UBR3: variants seen among roughly 807,000 people sequenced by gnomAD.
UBR3 encodes E3 ubiquitin-protein ligase UBR3.
Under a neutral mutation model 243.2 loss-of-function variants are expected in UBR3, and 85 were observed. The observed-to-expected ratio is 0.35, with a 90% CI of 0.29 to 0.42. The LOEUF is 0.42. Among genes scored for constraint, UBR3 ranks in the 10% least tolerant of loss-of-function variants. The pLI is 1.00. For synonymous variants in UBR3, 748 were observed against 799.8 expected, an observed-to-expected ratio of 0.94 and a Z score of 1.09; for missense variants, 1,686 against 2,300.8, an observed-to-expected ratio of 0.73 and a Z score of 5.47.
At chr2:170,054,430 C>T (rs1330456540) in intron 32 of UBR3, among the ~76,000 whole-genome samples, 9 of 152,062 alleles carry the variant, frequency 5.9e-5, no homozygotes, top group Non-Finnish European at 1.2e-4. Flanking sequence ...TACAGGCACC[C>T]GCCACCATGC....
Position 170,073,596 on chromosome 2 carries a change from G to A in UBR3, c.5188G>A (p.Glu1730Lys), listed in dbSNP as rs1192860151. 4 of 1,612,604 alleles carry A rather than the reference G, an allele frequency of 2.5e-6. No homozygotes were observed. The highest frequency in any genetic ancestry group is 4.5e-5 in the East Asian group (2 of 44,800). ...AAAATCATTTACTGAAAGACATGCAGAACAAGGAAAGGTATGTTAAAAGAG... is the reference window on the plus strand; with the variant it reads ...AAAATCATTTACTGAAAGACATGCAAAACAAGGAAAGGTATGTTAAAAGAG... The part of the protein sequence containing the change: ...EIKSFTERHA[E>K]QGKALLIQES... The change falls in exon 36 of 39, where the codon GAA becomes AAA. Residue 1730 changes from glutamate (E) to lysine (K), a missense_variant. Physicochemically the swap from Glu to Lys is moderately conservative, Grantham distance 56 (BLOSUM62 1). This residue lies in a region of UBR3 where 371 missense variants were observed against 422.5 expected (regional missense o/e 0.88). Transcript: ENST00000272793.
intron 10 of UBR3, among the ~76,000 whole-genome samples, chr2:169,912,381 C>A (rs6747591): frequency 0.27 from 40,793 of 152,028 alleles, 5,678 homozygotes; most frequent in East Asian, 0.42. Context: ...CTCCCCTCAT[C>A]TCTTGGAAAC....
chr2:169,892,188 G>T (rs2084402060), intron 6 of UBR3, among the ~76,000 whole-genome samples: 1 of 152,178 alleles, frequency 6.6e-6, no homozygotes, highest in South Asian at 2.1e-4. Flanking sequence ...AATTTGATCT[G>T]CAGTCCAGGA....
At chr2:169,865,415 T>C (rs1201919204) in intron 1 of UBR3, among the ~76,000 whole-genome samples, 2 of 152,234 alleles carry the variant, frequency 1.3e-5, no homozygotes, top group African/African-American at 4.8e-5. Flanking sequence ...GTACTGACAC[T>C]AGTTCCCAGA....
chr2:170,057,892 G>A (rs185950347), intron 33 of UBR3, among the ~76,000 whole-genome samples: 6 of 152,098 alleles, frequency 3.9e-5, no homozygotes, highest in East Asian at 1.9e-4. Flanking sequence ...GATTTACTAC[G>A]TTATTAGCTT....
chr2:169,871,557 A>G (rs2105309507), intron 1 of UBR3, among the ~76,000 whole-genome samples: 1 of 152,050 alleles, frequency 6.6e-6, no homozygotes, highest in Admixed American at 6.5e-5. Context: ...CAGCCTGGCC[A>G]ACCAACATGG....
At chr2:169,872,469 T>C (rs964177344) in intron 2 of UBR3, 94 bp downstream of exon 2, 2 of 891,156 alleles carry the variant, frequency 2.2e-6, no homozygotes, top group Admixed American at 3.7e-5. Flanking sequence ...TTTAGATATC[T>C]TTTTTTGTTT....
chr2:169,943,331 G>A (rs150826312), intron 20 of UBR3, among the ~76,000 whole-genome samples: 540 of 152,238 alleles, frequency 3.5e-3, no homozygotes, highest in African/African-American at 0.011. Context: ...GGCTGGGCGC[G>A]GTGGCTCACG....
chr2:169,846,374 T>C (rs1467198260), intron 1 of UBR3, among the ~76,000 whole-genome samples: 2 of 152,234 alleles, frequency 1.3e-5, no homozygotes, highest in Non-Finnish European at 2.9e-5. Context: ...GTCACCCATA[T>C]TTCTTTTGAT....
chr2:169,844,979 C>G (rs1343738847), intron 1 of UBR3, among the ~76,000 whole-genome samples: 1 of 152,084 alleles, frequency 6.6e-6, no homozygotes, highest in Non-Finnish European at 1.5e-5. Flanking sequence ...TTGTAGTCTT[C>G]TTTTCTAATA....
chr2:170,046,622 T>C (rs2091095117), intron 32 of UBR3, among the ~76,000 whole-genome samples: 1 of 152,248 alleles, frequency 6.6e-6, no homozygotes, highest in South Asian at 2.1e-4. Context: ...TTCCAGTTGT[T>C]CCTCTTTATG....
intron 23 of UBR3, among the ~76,000 whole-genome samples, 153 bp from the exon 24 acceptor site, chr2:169,958,285 A>G (rs2087404907): frequency 6.6e-6 from 1 of 152,248 alleles, no homozygotes; most frequent in Non-Finnish European, 1.5e-5. Context: ...TTTAAGGACA[A>G]TCAAGTATTA....
intron 24 of UBR3, among the ~76,000 whole-genome samples, chr2:169,974,929 C>T (rs1039825622): frequency 6.6e-6 from 1 of 152,156 alleles, no homozygotes; most frequent in Admixed American, 6.6e-5. Flanking sequence ...TGCCTGTGAT[C>T]CCAGCACTTT....
At chr2:169,856,589 G>T (rs1314709591) in intron 1 of UBR3, among the ~76,000 whole-genome samples, 1 of 152,196 alleles carries the variant, frequency 6.6e-6, no homozygotes, top group Non-Finnish European at 1.5e-5. Context: ...CCGGCACCTC[G>T]GGAGGCCGAG....
At chr2:169,882,061 CAT>C (rs1265990122) in intron 5 of UBR3, among the ~76,000 whole-genome samples, 2 of 121,554 alleles carry the variant, frequency 1.6e-5, no homozygotes, top group African/African-American at 3.3e-5. Flanking sequence ...TATATATACA[CAT>C]ATAATATAAT....
At chr2:169,914,981 G>A (rs1289434854) in intron 11 of UBR3, among the ~76,000 whole-genome samples, 1 of 151,994 alleles carries the variant, frequency 6.6e-6, no homozygotes, top group Non-Finnish European at 1.5e-5. Flanking sequence ...TTCAGTTGTT[G>A]ACTTGATGCC....
chr2:169,876,278 C>T (rs2105312741), intron 3 of UBR3, among the ~76,000 whole-genome samples: 1 of 151,908 alleles, frequency 6.6e-6, no homozygotes, highest in South Asian at 2.1e-4. Context: ...GGCGGGGTTT[C>T]ACTGTGTTAG....
At chr2:169,959,586 A>G (rs1473275297) in intron 24 of UBR3, among the ~76,000 whole-genome samples, 1 of 152,146 alleles carries the variant, frequency 6.6e-6, no homozygotes, top group African/African-American at 2.4e-5. Flanking sequence ...CAGAAATGGT[A>G]GGATATGTAT....
intron 1 of UBR3, among the ~76,000 whole-genome samples, chr2:169,837,876 T>G (rs1464935576): frequency 6.6e-6 from 1 of 152,220 alleles, no homozygotes; most frequent in Non-Finnish European, 1.5e-5. Flanking sequence ...TGAACATTTT[T>G]TTCCTCCATT....
Sources: gnomAD v4.1 joint callset for allele counts (sites outside exome capture counted in the v4.1 genomes callset) on GRCh38, gnomAD v4.1.1 for gene constraint, gnomAD v4.1.1 regional missense constraint, MANE v1.5 for transcripts, NCBI Gene and HGNC (gene_info 2026-07-23, HGNC 2026-07-21) for gene names.